The following NOL10 variants were observed in gnomAD, a reference collection of about 807,000 sequenced individuals.
The protein encoded by NOL10 is H_NH0074G24.1.
A neutral mutation model predicts 103.5 loss-of-function variants in NOL10; 58 were observed. The observed-to-expected ratio is 0.56, with a 90% CI of 0.45 to 0.70. The LOEUF is 0.70. Ranked by LOEUF, NOL10 falls within the 30% of genes least tolerant of loss-of-function variation. NOL10 has a pLI of 0.00. For missense variants in NOL10, 763 were observed against 807.3 expected, an observed-to-expected ratio of 0.95 and a Z score of 0.67; for synonymous variants, 287 against 282.5, an observed-to-expected ratio of 1.02 and a Z score of -0.16.
In NOL10 at chr2:10,689,792, T is replaced by C; in HGVS notation, c.66+4A>G. 1 of 1,601,092 alleles carries C rather than the reference T, an allele frequency of 6.2e-7. No individual in the cohort carries two copies. The highest frequency in any genetic ancestry group is 8.5e-7 in the Non-Finnish European group (1 of 1,174,154). On this transcript the variant is annotated splice_donor_region_variant and intron_variant, in intron 1 of 20. Transcript: ENST00000381685. Reference sequence around the variant, plus strand: ...GAGAGTGAGGGGGCCGGGAAGTGACTCACCTCAGGAAGGGACTTGCCGCAG... The same window carrying C: ...GAGAGTGAGGGGGCCGGGAAGTGACCCACCTCAGGAAGGGACTTGCCGCAG...
In NOL10 at chr2:10,609,463, G is replaced by A. The variant is rs566547804; in HGVS notation, c.1027-2152C>T. Among the ~76,000 whole-genome samples the A allele has an allele frequency of 6.6e-5, 10 of 151,166 alleles. No individual in the cohort carries two copies. In the South Asian group the frequency reaches 1.9e-3, roughly 28 times the overall value. On this transcript the variant is annotated intron_variant, in intron 13 of 20. Coordinates refer to ENST00000381685, the MANE Select transcript of NOL10 (RefSeq NM_024894.4). ...AAAAAAAAAAAAAAAAATCAGGCGC[G>A]GTGGCGGATGCCTGTAGTCCCAGTT...
intron 13 of NOL10, chr2:10,622,134 A>G (rs1329942320): frequency 6.4e-6 from 3 of 469,636 alleles, no homozygotes; most frequent in South Asian, 1.6e-5. Flanking sequence ...AGAACTGGAC[A>G]GCACTGGTTT....
At chr2:10,677,361 T>C (rs1681384147) in intron 3 of NOL10, among the ~76,000 whole-genome samples, 1 of 152,116 alleles carries the variant, frequency 6.6e-6, no homozygotes, top group African/African-American at 2.4e-5. Flanking sequence ...CAAAGACATC[T>C]TAAAAATAAA....
intron 8 of NOL10, among the ~76,000 whole-genome samples, chr2:10,663,983 ATAG>A (rs1680396982): frequency 2.0e-5 from 3 of 151,708 alleles, no homozygotes; most frequent in Admixed American, 2.0e-4. Flanking sequence ...TTAGCCAGGC[ATAG>A]TGGCGCATGC....
At chr2:10,596,453 G>C (rs919806046) in intron 17 of NOL10, among the ~76,000 whole-genome samples, 1 of 152,144 alleles carries the variant, frequency 6.6e-6, no homozygotes, top group Non-Finnish European at 1.5e-5. Context: ...ATGAGAGACA[G>C]TGACAGATCA....
chr2:10,629,860 A>T (rs1677723058), intron 13 of NOL10, among the ~76,000 whole-genome samples: 1 of 152,256 alleles, frequency 6.6e-6, no homozygotes, highest in East Asian at 1.9e-4. Flanking sequence ...GCTAAATAAA[A>T]GTCCATGCTC....
At chr2:10,621,110 TAGTGAAGTTTTAGGATAGATCCAAA>T (rs1677118539) in intron 13 of NOL10, among the ~76,000 whole-genome samples, 1 of 152,188 alleles carries the variant, frequency 6.6e-6, no homozygotes, top group Admixed American at 6.5e-5. Context: ...AATCATTTTT[TAGTGAAGTTTTAGGATAGATCCAAA>T]AGACTTCATG....
chr2:10,678,493 A>G (rs1017589960), intron 3 of NOL10, among the ~76,000 whole-genome samples: 20 of 152,196 alleles, frequency 1.3e-4, no homozygotes, highest in African/African-American at 4.8e-4. Flanking sequence ...AACAGAAAAA[A>G]TTAACACAAC....
intron 13 of NOL10, among the ~76,000 whole-genome samples, chr2:10,629,987 A>G (rs566172342): frequency 6.6e-6 from 1 of 152,304 alleles, no homozygotes; most frequent in East Asian, 1.9e-4. Flanking sequence ...AGAGGGTCTC[A>G]CTATGTTGCC....
At position 10,689,691 on chromosome 2, in the gene NOL10, A is replaced by T. The variant is rs1030066924; in HGVS notation, c.66+105T>A. 2.5e-5 allele frequency: 29 copies of T among 1,161,592 alleles called. No individual in the cohort carries two copies. The Middle Eastern group carries it at 3.6e-3, about 143-fold the overall frequency. 72.0% of individuals were successfully genotyped at this position (1,161,592 alleles called of 1,614,324 possible). The stretch of plus-strand genomic sequence containing the variant: ...GGCCTCCCCGAGTCGGGGGGTGACC[A>T]GCGTCCAGCTAAAACAGAGGCTAGG... On this transcript the variant is annotated intron_variant, in intron 1 of 20. Transcript: ENST00000381685.
At chr2:10,670,718 G>A (rs1342482930) in intron 6 of NOL10, among the ~76,000 whole-genome samples, 3 of 152,136 alleles carry the variant, frequency 2.0e-5, no homozygotes, top group Non-Finnish European at 4.4e-5. Flanking sequence ...CTGGGTGACA[G>A]TGTGAGACTC....
intron 12 of NOL10, among the ~76,000 whole-genome samples, chr2:10,647,859 A>C (rs952487458): frequency 6.6e-6 from 1 of 152,224 alleles, no homozygotes; most frequent in African/African-American, 2.4e-5. Flanking sequence ...GGCAGGTGAG[A>C]ATTCCGAGGT....
At chr2:10,626,162 CAG>C (rs1677451166) in intron 13 of NOL10, among the ~76,000 whole-genome samples, 1 of 152,050 alleles carries the variant, frequency 6.6e-6, no homozygotes, top group Non-Finnish European at 1.5e-5. Context: ...GCCTGGGAGA[CAG>C]AGTGAGACCC....
Position 10,571,924 on chromosome 2 carries a change from A to T in NOL10, c.*147T>A. ...AGCTTCAAAGTCCAACCCACAAGGC[A>T]CAGGTTTTCAAATCTTTACCTCTGT... On this transcript the variant is annotated 3_prime_UTR_variant, in exon 21 of 21. Coordinates refer to ENST00000381685, the MANE Select transcript of NOL10 (RefSeq NM_024894.4). 2.1e-6 allele frequency: 2 copies of T among 966,358 alleles called. No individual in the cohort carries two copies. Among genetic ancestry groups the T allele is most frequent in the Non-Finnish European group, 3.0e-6 (2 of 662,614 alleles). 59.9% of individuals were successfully genotyped at this position (966,358 alleles called of 1,614,324 possible). A position where few individuals can be genotyped will look rare whatever the true frequency, so the allele number is the denominator to read the frequency against.
At chr2:10,664,117 T>TA (rs1233675337) in intron 8 of NOL10, among the ~76,000 whole-genome samples, 4,399 of 129,442 alleles carry the variant, frequency 0.034, 65 homozygotes, top group Middle Eastern at 0.043. Flanking sequence ...AGACTCCGTC[T>TA]AAAAAAAAAA....
intron 5 of NOL10, among the ~76,000 whole-genome samples, chr2:10,672,022 T>C (rs1330708964): frequency 6.6e-6 from 1 of 152,114 alleles, no homozygotes; most frequent in Non-Finnish European, 1.5e-5. Flanking sequence ...CCTCTTTCAC[T>C]TGGGAACACA....
chr2:10,675,428 CT>C (rs1438937110), intron 4 of NOL10, among the ~76,000 whole-genome samples: 3 of 150,472 alleles, frequency 2.0e-5, no homozygotes, highest in Admixed American at 1.3e-4. Context: ...GAAGCAAATT[CT>C]TTTTTATTTT....
intron 1 of NOL10, among the ~76,000 whole-genome samples, chr2:10,684,856 G>A (rs1682039218): frequency 6.6e-6 from 1 of 151,998 alleles, no homozygotes. Context: ...TTTAGAGACA[G>A]GGTCTCATGC....
intron 13 of NOL10, among the ~76,000 whole-genome samples, chr2:10,634,813 T>C (rs996721598): frequency 1.3e-5 from 2 of 152,178 alleles, no homozygotes; most frequent in African/African-American, 4.8e-5. Context: ...CCCAGGAGAA[T>C]GTGGCCTTCT....
Sources: allele counts gnomAD v4.1 joint callset (sites outside exome capture counted in the v4.1 genomes callset), GRCh38; gene constraint gnomAD v4.1.1; transcripts MANE v1.5; gene names NCBI Gene and HGNC (gene_info 2026-07-23, HGNC 2026-07-21).